Variants in GNG4 observed in about 807,000 individuals in gnomAD.
GNG4 encodes the protein G protein subunit gamma 4, also known as guanine nucleotide-binding protein G(I)/G(S)/G(O) subunit gamma-4.
In GNG4, 4 loss-of-function variants were observed where a neutral mutation model predicts 5.8. That is an observed-to-expected ratio of 0.69 (90% CI 0.34 to 1.57). GNG4 has a LOEUF of 1.57. Among genes scored for constraint, GNG4 ranks in the 40% most tolerant of loss-of-function variants. GNG4 has a pLI of 0.06. For missense variants in GNG4, 96 were observed against 95.1 expected, an observed-to-expected ratio of 1.01 and a Z score of -0.04; for synonymous variants, 29 against 32.9, an observed-to-expected ratio of 0.88 and a Z score of 0.41.
Position 235,648,793 on chromosome 1 carries a change from C to T in GNG4, c.-123+869G>A, listed in dbSNP as rs1469268130. Reference sequence around the variant, plus strand: ...ACGGGTAGAGGAGAGACGCGGCAGCCGCGGGGCCGGGGAGACGGTGGGAGG... The same window carrying T: ...ACGGGTAGAGGAGAGACGCGGCAGCTGCGGGGCCGGGGAGACGGTGGGAGG... On this transcript the variant is annotated intron_variant, in intron 1 of 3. Transcript: ENST00000391854. This position sits in a 1 kb window ranked among gnomAD's most constrained non-coding sequence, Gnocchi z 5.0. 6.6e-6 allele frequency among the ~76,000 whole-genome samples: 1 copy of T among 152,214 alleles called. No homozygotes were observed. The highest frequency in any genetic ancestry group is 1.5e-5 in the Non-Finnish European group (1 of 68,034).
At position 235,580,746 on chromosome 1, in the gene GNG4, G is replaced by GT. The variant is rs56370700; in HGVS notation, c.99+2993dup. 2.1e-3 allele frequency among the ~76,000 whole-genome samples: 270 copies of GT among 125,724 alleles called. 5 individuals carry two copies. In the East Asian group the frequency reaches 0.024, roughly 11 times the overall value. 82.5% of individuals were successfully genotyped at this position (125,724 alleles called of 152,430 possible). ...AACATGGCGGCCTATCCCGTTTTTT[G>GT]TTTTTTTTTTTTTTTTTTTCCTGAG... On this transcript the variant is annotated intron_variant, in intron 3 of 3. Transcript: ENST00000391854.
intron 3 of GNG4, among the ~76,000 whole-genome samples, chr1:235,565,179 G>A (rs942907047): frequency 2.1e-4 from 32 of 152,120 alleles, no homozygotes; most frequent in African/African-American, 4.6e-4. Flanking sequence ...CAGGAAGGTC[G>A]TCTCTGAGCA....
At chr1:235,582,204 C>T (rs1210457568) in intron 3 of GNG4, among the ~76,000 whole-genome samples, 1 of 152,236 alleles carries the variant, frequency 6.6e-6, no homozygotes, top group Non-Finnish European at 1.5e-5. Context: ...ACTACCTCCT[C>T]ACCTCTGACA....
At chr1:235,593,927 C>T (rs116436475) in intron 2 of GNG4, among the ~76,000 whole-genome samples, 4,124 of 152,270 alleles carry the variant, frequency 0.027, 159 homozygotes, top group African/African-American at 0.079. Flanking sequence ...GCATGGGGAC[C>T]CAAGCAGATT....
At chr1:235,606,967 G>C (rs1443100932) in intron 1 of GNG4, among the ~76,000 whole-genome samples, 1 of 119,456 alleles carries the variant, frequency 8.4e-6, no homozygotes, top group Non-Finnish European at 1.6e-5. Flanking sequence ...TTTTTTTTGA[G>C]ACAGAGTCTC....
At chr1:235,616,444 GC>G (rs1439351257) in intron 1 of GNG4, 2 of 263,132 alleles carry the variant, frequency 7.6e-6, no homozygotes, top group African/African-American at 4.6e-5. Flanking sequence ...GCCCTGGGCT[GC>G]CCGATCCCTG....
chr1:235,624,228 G>A (rs1031555535), intron 1 of GNG4, among the ~76,000 whole-genome samples: 3 of 150,940 alleles, frequency 2.0e-5, no homozygotes, highest in Admixed American at 2.0e-4. Flanking sequence ...TCAGCCCCCC[G>A]AGTAGCTGGG....
intron 1 of GNG4, among the ~76,000 whole-genome samples, chr1:235,611,127 G>A (rs1688467698): frequency 6.6e-6 from 1 of 150,488 alleles, no homozygotes; most frequent in Non-Finnish European, 1.5e-5. Context: ...CTGCAAAAGA[G>A]ATAAAATGTA....
intron 2 of GNG4, among the ~76,000 whole-genome samples, chr1:235,586,103 T>C (rs1179188170): frequency 6.6e-6 from 1 of 152,158 alleles, no homozygotes; most frequent in African/African-American, 2.4e-5. Flanking sequence ...TTTTGAAAAG[T>C]AAAATATTCT....
At chr1:235,641,315 G>C (rs140107580) in intron 1 of GNG4, among the ~76,000 whole-genome samples, 2 of 152,262 alleles carry the variant, frequency 1.3e-5, no homozygotes, top group Non-Finnish European at 2.9e-5. Context: ...ACTTGAACTG[G>C]GGAGCTCAAG....
At chr1:235,646,556 CGGAGACTG>C (rs1402696577) in intron 1 of GNG4, among the ~76,000 whole-genome samples, 1 of 152,228 alleles carries the variant, frequency 6.6e-6, no homozygotes, top group Non-Finnish European at 1.5e-5. Flanking sequence ...ATCCGATCCT[CGGAGACTG>C]GGCCTTTGGT....
At chr1:235,639,026 C>T (rs7518071) in intron 1 of GNG4, among the ~76,000 whole-genome samples, 80,042 of 151,914 alleles carry the variant, frequency 0.53, 23,521 homozygotes, top group East Asian at 0.85. Context: ...TACCCAGTAA[C>T]GGGCCCTCCT....
intron 2 of GNG4, among the ~76,000 whole-genome samples, chr1:235,588,400 T>A (rs972384112): frequency 6.6e-6 from 1 of 152,030 alleles, no homozygotes; most frequent in Non-Finnish European, 1.5e-5. Context: ...AGCTTCTCCC[T>A]CAGCCCCTTC....
intron 3 of GNG4, among the ~76,000 whole-genome samples, chr1:235,558,623 G>A (rs566430565): frequency 1.3e-5 from 2 of 152,280 alleles, no homozygotes; most frequent in South Asian, 4.1e-4. Context: ...CCAAATAGGG[G>A]TTGCAGACAA....
At chr1:235,602,819 G>A (rs1299423600) in intron 1 of GNG4, among the ~76,000 whole-genome samples, 1 of 152,134 alleles carries the variant, frequency 6.6e-6, no homozygotes, top group Non-Finnish European at 1.5e-5. Flanking sequence ...AGCGTTCATC[G>A]TGAGCATTAA....
rs915240684 is a variant in GNG4 at position 235,549,727 on chromosome 1, G to T, written c.*2382C>A. On this transcript the variant is annotated 3_prime_UTR_variant, in exon 4 of 4. Transcript: ENST00000391854. ...AACAAAAGAAGCAAGGAACAAAGAT[G>T]TCCTAAATCCATTTACGAGGGCAGC... The T allele has an allele frequency of 1.2e-4, 19 of 152,182 alleles. No individual in the cohort carries two copies. Among genetic ancestry groups the T allele is most frequent in the Admixed American group, 5.9e-4 (9 of 15,278 alleles). The allele number at this position is 152,182 out of a possible 1,614,324, so 9.4% of individuals were successfully genotyped here.
chr1:235,598,533 TG>T (rs912958133), intron 1 of GNG4, among the ~76,000 whole-genome samples: 1 of 152,096 alleles, frequency 6.6e-6, no homozygotes, highest in African/African-American at 2.4e-5. Context: ...CGCCTGAGCC[TG>T]GAATTTTGAG....
At chr1:235,602,376 C>T (rs530449025) in intron 1 of GNG4, among the ~76,000 whole-genome samples, 21 of 152,250 alleles carry the variant, frequency 1.4e-4, no homozygotes, top group African/African-American at 4.3e-4. Context: ...TCCTGGGGGA[C>T]GAGAGAGAAA....
chr1:235,593,989 A>G (rs528849041), intron 2 of GNG4, among the ~76,000 whole-genome samples: 51 of 152,266 alleles, frequency 3.3e-4, no homozygotes, highest in Middle Eastern at 3.4e-3. Context: ...GGCCCCACCT[A>G]CATCCTGCTG....
Sources: allele counts gnomAD v4.1 joint callset (sites outside exome capture counted in the v4.1 genomes callset), GRCh38; gene constraint gnomAD v4.1.1; non-coding constraint Gnocchi (gnomAD v3.1); transcripts MANE v1.5; gene names NCBI Gene and HGNC (gene_info 2026-07-23, HGNC 2026-07-21).